Variants in ARHGEF7 observed in about 807,000 individuals in gnomAD.
ARHGEF7 encodes the protein PAK-interacting exchange factor beta.
A neutral mutation model predicts 109.8 loss-of-function variants in ARHGEF7; 33 were observed. The observed-to-expected ratio is 0.30, with a 90% CI of 0.23 to 0.40. The LOEUF is 0.40. ARHGEF7 is among the 10% of genes least tolerant of loss of function. The probability of loss-of-function intolerance (pLI) is 1.00; values close to 1 mark genes in which losing one functional copy is unlikely to be tolerated. For synonymous variants in ARHGEF7, 458 were observed against 424.6 expected, an observed-to-expected ratio of 1.08 and a Z score of -0.97; for missense variants, 938 against 1,098.5, an observed-to-expected ratio of 0.85 and a Z score of 2.07.
At chr13:111,133,761 CTTTATATATATATATA>C (rs1342691977) in intron 1 of ARHGEF7, among the ~76,000 whole-genome samples, 6 of 73,356 alleles carry the variant, frequency 8.2e-5, no homozygotes, top group Non-Finnish European at 1.3e-4. Flanking sequence ...ATCTGCTTTT[CTTTATATATATATATA>C]TATATATATA....
At chr13:111,197,872 C>T (rs1433330469) in intron 2 of ARHGEF7, among the ~76,000 whole-genome samples, 1 of 151,998 alleles carries the variant, frequency 6.6e-6, no homozygotes, top group Non-Finnish European at 1.5e-5. Flanking sequence ...GGACTAGCCT[C>T]AGAGAAGAGA....
chr13:111,188,143 C>T (rs1203603245), intron 2 of ARHGEF7, among the ~76,000 whole-genome samples: 2 of 152,160 alleles, frequency 1.3e-5, no homozygotes, highest in African/African-American at 4.8e-5. Flanking sequence ...GTCCGTTGTC[C>T]GTTCTCTGAG....
intron 5 of ARHGEF7, among the ~76,000 whole-genome samples, chr13:111,226,120 G>A (rs1290834756): frequency 6.6e-6 from 1 of 152,184 alleles, no homozygotes; most frequent in Non-Finnish European, 1.5e-5. Flanking sequence ...TTTGAGTGGT[G>A]TGGATAGAAG....
chr13:111,140,828 G>A (rs1007113333), intron 1 of ARHGEF7, among the ~76,000 whole-genome samples: 4 of 151,968 alleles, frequency 2.6e-5, no homozygotes, highest in African/African-American at 7.3e-5. Flanking sequence ...TACAGCATAC[G>A]TCACCATGCC....
chr13:111,178,440 A>G (rs2078382400), intron 2 of ARHGEF7, among the ~76,000 whole-genome samples: 1 of 152,226 alleles, frequency 6.6e-6, no homozygotes, highest in Admixed American at 6.5e-5. Flanking sequence ...GTTTAGAGAA[A>G]GGGAGTGGTC....
chr13:111,155,340 GTTTA>G (rs2076230584), intron 2 of ARHGEF7, among the ~76,000 whole-genome samples: 1 of 152,240 alleles, frequency 6.6e-6, no homozygotes, highest in South Asian at 2.1e-4. Flanking sequence ...TACATGGAAA[GTTTA>G]TTTAATTGAA....
At chr13:111,301,396 C>G (rs557098102) in intron 20 of ARHGEF7, 82 bp from the exon 21 acceptor site, 2 of 1,162,810 alleles carry the variant, frequency 1.7e-6, no homozygotes, top group Non-Finnish European at 1.3e-6. Flanking sequence ...CTCTCAGCAT[C>G]GTAGTGTCTC....
intron 19 of ARHGEF7, 112 bp from the exon 20 acceptor site, chr13:111,300,636 T>A (rs1279799323): frequency 1.4e-6 from 1 of 711,470 alleles, no homozygotes; most frequent in Non-Finnish European, 2.3e-6. Flanking sequence ...CGTTTTTAAA[T>A]GCATAATTGC....
rs906801318 is a variant in ARHGEF7, at chr13:111,153,713, G to C, written c.166-192G>C. 4 of 1,323,642 alleles carry C rather than the reference G, an allele frequency of 3.0e-6. No individual in the cohort carries two copies. The Admixed American group carries it at 1.7e-4, about 56-fold the overall frequency. 82.0% of individuals were successfully genotyped at this position (1,323,642 alleles called of 1,614,324 possible). On this transcript the variant is annotated intron_variant, in intron 1 of 21. Transcript: ENST00000646102. ...AGAGATTGGTGCAGCCCCGGAGGAAGAAAAAAGGGTGAGGAGAAGCAGCGG... is the reference window on the plus strand; with the variant it reads ...AGAGATTGGTGCAGCCCCGGAGGAACAAAAAAGGGTGAGGAGAAGCAGCGG...
intron 6 of ARHGEF7, among the ~76,000 whole-genome samples, chr13:111,243,170 A>T (rs1023045564): frequency 1.3e-5 from 2 of 152,198 alleles, no homozygotes; most frequent in African/African-American, 4.8e-5. Flanking sequence ...TTCACTAGGG[A>T]AAGTCTGTAG....
intron 2 of ARHGEF7, 56 bp from the exon 3 acceptor site, chr13:111,205,233 A>G: frequency 7.1e-7 from 1 of 1,418,348 alleles, no homozygotes; most frequent in Non-Finnish European, 9.7e-7. Flanking sequence ...AACTTAGTTC[A>G]TCCTGCACCC....
rs145570703 is a variant in ARHGEF7, at chr13:111,258,662, C to A, written c.951-8886C>A. Reference sequence around the variant, plus strand: ...TCAAATGTGACCCAGAGCACATTCCCAGCTGTGGTGGCTACAGGGAGGGAC... The same window carrying A: ...TCAAATGTGACCCAGAGCACATTCCAAGCTGTGGTGGCTACAGGGAGGGAC... On this transcript the variant is annotated intron_variant, in intron 8 of 21. Coordinates refer to ENST00000646102, the MANE Select transcript of ARHGEF7 (RefSeq NM_001354046.2). The surrounding 1 kb of genome is among the most constrained non-coding windows in gnomAD (Gnocchi z 4.4). Among the ~76,000 whole-genome samples, 89 of 152,216 alleles carry A rather than the reference C, an allele frequency of 5.8e-4. No homozygotes were observed. Among genetic ancestry groups the A allele is most frequent in the African/African-American group, 2.0e-3 (85 of 41,516 alleles).
At chr13:111,282,764 C>G in intron 15 of ARHGEF7, 1 of 263,990 alleles carries the variant, frequency 3.8e-6, no homozygotes, top group Non-Finnish European at 7.1e-6. Flanking sequence ...CTTCTTACAG[C>G]CACATGCCCT....
chr13:111,246,054 G>C (rs1308864803), intron 8 of ARHGEF7, among the ~76,000 whole-genome samples: 1 of 152,184 alleles, frequency 6.6e-6, no homozygotes, highest in East Asian at 1.9e-4. Flanking sequence ...ACAGAGGCAT[G>C]TTCTGAATAA....
chr13:111,233,412 T>C (rs2086374752), intron 6 of ARHGEF7, 119 bp downstream of exon 6: 5 of 784,764 alleles, frequency 6.4e-6, no homozygotes, highest in Non-Finnish European at 1.1e-5. Flanking sequence ...TTCATTCATC[T>C]GCCACACAAA....
rs377692705 is a variant in ARHGEF7, at chr13:111,221,010, A to C, written c.670+3130A>C. 1.4e-4 allele frequency among the ~76,000 whole-genome samples: 21 copies of C among 149,064 alleles called. No homozygotes were observed. The East Asian group carries it at 2.0e-3, about 14-fold the overall frequency. ...AAGGGAACTTTATTAAGGGGAGTTT[A>C]TTATATATACATGTTATATATATAT... On this transcript the variant is annotated intron_variant, in intron 5 of 21. Coordinates refer to ENST00000646102, the MANE Select transcript of ARHGEF7 (RefSeq NM_001354046.2).
At chr13:111,123,999 T>C (rs2067391561) in intron 1 of ARHGEF7, among the ~76,000 whole-genome samples, 1 of 152,218 alleles carries the variant, frequency 6.6e-6, no homozygotes, top group Non-Finnish European at 1.5e-5. Flanking sequence ...TCCCAACTTT[T>C]CTACTAACAT....
intron 2 of ARHGEF7, among the ~76,000 whole-genome samples, chr13:111,170,537 T>C (rs749446289): frequency 5.9e-5 from 9 of 152,248 alleles, no homozygotes; most frequent in Non-Finnish European, 1.3e-4. Flanking sequence ...ATCATGTTAC[T>C]GGCGTTATCA....
intron 18 of ARHGEF7, among the ~76,000 whole-genome samples, chr13:111,288,746 G>A (rs1462058943): frequency 1.3e-5 from 2 of 152,190 alleles, no homozygotes; most frequent in African/African-American, 4.8e-5. Flanking sequence ...AAGAGAAGAC[G>A]TGTTTAGAAG....
Sources: gnomAD v4.1 joint callset for allele counts (sites outside exome capture counted in the v4.1 genomes callset) on GRCh38, gnomAD v4.1.1 for gene constraint, Gnocchi (gnomAD v3.1) non-coding constraint, MANE v1.5 for transcripts, NCBI Gene and HGNC (gene_info 2026-07-23, HGNC 2026-07-21) for gene names.